COX15: variants seen among roughly 807,000 people sequenced by gnomAD.
COX15 encodes the protein cytochrome c oxidase assembly factor COX15, also known as heme A synthase COX15.
A neutral mutation model predicts 51.9 loss-of-function variants in COX15; 51 were observed. The ratio of observed to expected loss-of-function variants is 0.98; its 90% CI spans 0.78 to 1.24. The LOEUF (loss-of-function observed/expected upper bound fraction) is 1.24. Ranked by LOEUF, COX15 falls within the 50% of genes most tolerant of loss-of-function variation. COX15 has a pLI of 0.00. For synonymous variants in COX15, 188 were observed against 190.5 expected, an observed-to-expected ratio of 0.99 and a Z score of 0.11; for missense variants, 420 against 501.1, an observed-to-expected ratio of 0.84 and a Z score of 1.55.
At chr10:99,698,474 A>T in the COX15 span, 3 of 1,507,366 alleles carry the variant, frequency 2.0e-6, no homozygotes, top group Non-Finnish European at 2.7e-6. Context: ...TGTTTCTTAG[A>T]CTAGGTTGAA....
At chr10:99,695,562 T>A in the COX15 span, among the ~76,000 whole-genome samples, 4 of 151,514 alleles carry the variant, frequency 2.6e-5, no homozygotes, top group Non-Finnish European at 5.9e-5. Context: ...ACAGAATAGA[T>A]CTTATGATGA....
chr10:99,711,051 C>T lies in COX15; in HGVS notation c.*3536G>A. On this transcript the variant is annotated 3_prime_UTR_variant, in exon 9 of 9. Transcript: ENST00000016171. ...TATCCATTTTCCATTCATGCATTCA[C>T]TAATTCAATATTTGATATGTGTCTG... The T allele has an allele frequency of 1.0e-6, 1 of 985,002 alleles. No homozygotes were observed. Among genetic ancestry groups the T allele is most frequent in the Non-Finnish European group, 1.2e-6 (1 of 829,820 alleles). The allele number at this position is 985,002 out of a possible 1,614,324, so 61.0% of individuals were successfully genotyped here.
Position 99,712,610 on chromosome 10 carries a change from A to T in COX15, c.*1977T>A, listed in dbSNP as rs1173158903. 1.0e-6 allele frequency: 1 copy of T among 983,696 alleles called. No individual in the cohort carries two copies. Among genetic ancestry groups the T allele is most frequent in the African/African-American group, 1.7e-5 (1 of 57,194 alleles). The allele number at this position is 983,696 out of a possible 1,614,324, so 60.9% of individuals were successfully genotyped here. On this transcript the variant is annotated 3_prime_UTR_variant, in exon 9 of 9. Transcript: ENST00000016171. The stretch of plus-strand genomic sequence containing the variant: ...ATATCCAAGGAAAAATAAACTTAAG[A>T]TAAGCTTATTTTCCTTATTTCAAAA...
At chr10:99,701,090 G>A in the COX15 span, 2 of 1,549,722 alleles carry the variant, frequency 1.3e-6, no homozygotes, top group East Asian at 2.2e-5. Context: ...CTTAGATGTG[G>A]ACTTAAAATC....
At chr10:99,701,691 A>G in the COX15 span, among the ~76,000 whole-genome samples, 1 of 152,154 alleles carries the variant, frequency 6.6e-6, no homozygotes, top group African/African-American at 2.4e-5. Flanking sequence ...ACACAGCTTC[A>G]ACAAATAACA....
Position 99,720,353 on chromosome 10 carries a change from G to A in COX15, c.832+634C>T, listed in dbSNP as rs149466219. The stretch of plus-strand genomic sequence containing the variant: ...TTAGCTACTCGGGAGGCTGAGGCAC[G>A]AGAATCGCTTGGATTTAGGGAGGCA... On this transcript the variant is annotated intron_variant, in intron 6 of 8. Coordinates refer to ENST00000016171, the MANE Select transcript of COX15 (RefSeq NM_078470.6). 3.9e-3 allele frequency among the ~76,000 whole-genome samples: 595 copies of A among 152,280 alleles called. 4 individuals carry two copies. In the Middle Eastern group the frequency reaches 0.041, roughly 10 times the overall value.
At chr10:99,727,276 C>T in intron 3 of COX15, 122 bp from the exon 4 acceptor site, 3 of 1,419,384 alleles carry the variant, frequency 2.1e-6, no homozygotes, top group Non-Finnish European at 2.9e-6. Context: ...CCCTCTTCCT[C>T]ATCAACGACC....
chr10:99,716,688 A>C, intron 7 of COX15: 1 of 476,390 alleles, frequency 2.1e-6, no homozygotes, highest in Non-Finnish European at 3.9e-6. Context: ...TCCACCTAAG[A>C]TTCTGTATGT....
rs2036457285 is a variant in COX15, at chr10:99,713,297, T to C, written c.*1290A>G. 6.4e-7 allele frequency: 1 copy of C among 1,560,326 alleles called. No homozygotes were observed. The highest frequency in any genetic ancestry group is 8.8e-7 in the Non-Finnish European group (1 of 1,142,574). The stretch of plus-strand genomic sequence containing the variant: ...ACTTATACAACTTATTTAATTTAAA[T>C]GAGTATGTTACATTTCTAATCTGTT... On this transcript the variant is annotated 3_prime_UTR_variant, in exon 9 of 9. Coordinates refer to ENST00000016171, the MANE Select transcript of COX15 (RefSeq NM_078470.6).
chr10:99,720,802 T>C (rs113294699), intron 6 of COX15, among the ~76,000 whole-genome samples, 185 bp downstream of exon 6: 7 of 151,518 alleles, frequency 4.6e-5, no homozygotes, highest in Admixed American at 1.3e-4. Flanking sequence ...TTTTGTTCAA[T>C]TGACAGTAAA....
At chr10:99,698,739 T>C in the COX15 span, 1 of 1,614,230 alleles carries the variant, frequency 6.2e-7, no homozygotes, top group Non-Finnish European at 8.5e-7. Context: ...CATATATCAA[T>C]CGCCTATTGA....
chr10:99,701,266 A>T, the COX15 span, among the ~76,000 whole-genome samples: 135,437 of 151,906 alleles, frequency 0.89, 60,486 homozygotes, highest in African/African-American at 0.93. Context: ...AGAGTTCTCA[A>T]CAAGTGATTT....
At chr10:99,708,417 T>A (rs1157696310), downstream of COX15, among the ~76,000 whole-genome samples, 3 of 152,166 alleles carry the variant, frequency 2.0e-5, no homozygotes, top group Non-Finnish European at 4.4e-5. Flanking sequence ...GAAAGAACAG[T>A]AGGCTTAACG....
chr10:99,719,128 CAAAT>C (rs1015863399), intron 6 of COX15, among the ~76,000 whole-genome samples: 6 of 152,052 alleles, frequency 3.9e-5, no homozygotes, highest in Non-Finnish European at 8.8e-5. Context: ...CCTGGATAAA[CAAAT>C]AAAGAGGGTA....
In COX15 at chr10:99,713,178, C is replaced by A; in HGVS notation, c.*1409G>T. 1 of 1,365,186 alleles carries A rather than the reference C, an allele frequency of 7.3e-7. No individual in the cohort carries two copies. Among genetic ancestry groups the A allele is most frequent in the Non-Finnish European group, 9.5e-7 (1 of 1,051,076 alleles). 84.6% of individuals were successfully genotyped at this position (1,365,186 alleles called of 1,614,324 possible). ...TTTTTCTGTTATCATATAATAACAA[C>A]ATGAATACTACTTGGTTCATATTGA... On this transcript the variant is annotated 3_prime_UTR_variant, in exon 9 of 9. Transcript: ENST00000016171.
At chr10:99,694,511 C>T in the COX15 span, among the ~76,000 whole-genome samples, 1 of 149,170 alleles carries the variant, frequency 6.7e-6, no homozygotes, top group African/African-American at 2.5e-5. Flanking sequence ...TTCATATACA[C>T]ATTTTTCTAT....
chr10:99,701,155 G>A, the COX15 span: 1 of 1,098,574 alleles, frequency 9.1e-7, no homozygotes, highest in Non-Finnish European at 1.4e-6. Flanking sequence ...ATTTCATGTT[G>A]AGGGAGCATT....
At position 99,714,247 on chromosome 10, in the gene COX15, ACATCCACGTAGAAAT is replaced by A; in HGVS notation, c.*325_*339del. 8.6e-7 allele frequency: 1 copy of A among 1,158,946 alleles called. No individual in the cohort carries two copies. Among genetic ancestry groups the A allele is most frequent in the Non-Finnish European group, 1.1e-6 (1 of 929,370 alleles). The allele number at this position is 1,158,946 out of a possible 1,614,324, so 71.8% of individuals were successfully genotyped here. On this transcript the variant is annotated 3_prime_UTR_variant, in exon 9 of 9. Transcript: ENST00000016171. ...TAGGCAGAATTAAGGACTCAGGAGA[ACATCCACGTAGAAAT>A]CATCCACGTAGAACCAAGAGCTTGC... is the stretch of plus-strand genomic sequence containing the variant.
Position 99,716,493 on chromosome 10 carries a change from T to C in COX15, c.988-32A>G, listed in dbSNP as rs991471527. On this transcript the variant is annotated intron_variant, in intron 7 of 8. Transcript: ENST00000016171. Reference sequence around the variant, plus strand: ...GGAAGAAAGAGTCTATCACATTAGATAGAAGTGCCAGGTTTCTAACTCACC... The same window carrying C: ...GGAAGAAAGAGTCTATCACATTAGACAGAAGTGCCAGGTTTCTAACTCACC... 4.7e-6 allele frequency: 7 copies of C among 1,477,032 alleles called. No homozygotes were observed. The Admixed American group carries it at 5.0e-5, about 11-fold the overall frequency. The allele number at this position is 1,477,032 out of a possible 1,614,324, so 91.5% of individuals were successfully genotyped here.
Sources: gnomAD v4.1 joint callset for allele counts (sites outside exome capture counted in the v4.1 genomes callset) on GRCh38, gnomAD v4.1.1 for gene constraint, MANE v1.5 for transcripts, NCBI Gene and HGNC (gene_info 2026-07-23, HGNC 2026-07-21) for gene names.